RNF216: variants seen among roughly 807,000 people sequenced by gnomAD.
RNF216 encodes E3 ubiquitin-protein ligase RNF216.
Under a neutral mutation model 110.8 loss-of-function variants are expected in RNF216, and 72 were observed. The ratio of observed to expected loss-of-function variants is 0.65; its 90% CI spans 0.54 to 0.79. RNF216 has a LOEUF of 0.79. Among genes scored for constraint, RNF216 ranks in the 30% least tolerant of loss-of-function variants. The pLI is 0.00. For synonymous variants in RNF216, 495 were observed against 407.5 expected (o/e 1.21, Z -2.59); for missense variants, 1,342 against 1,141.2 (o/e 1.18, Z -2.54).
At chr7:5,672,399 T>G (rs1217159547) in intron 13 of RNF216, among the ~76,000 whole-genome samples, 1 of 152,170 alleles carries the variant, frequency 6.6e-6, no homozygotes, top group Non-Finnish European at 1.5e-5. Context: ...GTTGGAGAGT[T>G]ATGTTTGTTA....
intron 13 of RNF216, among the ~76,000 whole-genome samples, chr7:5,692,966 G>A (rs533961659): frequency 2.9e-4 from 44 of 152,296 alleles, no homozygotes; most frequent in African/African-American, 1.1e-3. Flanking sequence ...GTGTCAGCAA[G>A]CATCTCTTCC....
At chr7:5,641,048 T>C (rs1787702374) in intron 15 of RNF216, 106 bp downstream of exon 15, 3 of 899,614 alleles carry the variant, frequency 3.3e-6, no homozygotes, top group African/African-American at 3.4e-5. Flanking sequence ...ATTTCCTATA[T>C]TCTTCTCCTA....
At chr7:5,725,841 CAAA>C (rs756914396) in intron 7 of RNF216, among the ~76,000 whole-genome samples, 10 of 77,120 alleles carry the variant, frequency 1.3e-4, no homozygotes, top group Admixed American at 1.4e-4. Context: ...CCAGCCTGGG[CAAA>C]AAAAAAAAAA....
chr7:5,745,644 A>C (rs1252381243), intron 3 of RNF216, among the ~76,000 whole-genome samples: 1 of 152,060 alleles, frequency 6.6e-6, no homozygotes, highest in Non-Finnish European at 1.5e-5. Flanking sequence ...TCACGCCTGT[A>C]ATCTCAGCAC....
Position 5,777,109 on chromosome 7 carries a change from G to A in RNF216, c.-70+4432C>T, listed in dbSNP as rs191401110. On this transcript the variant is annotated intron_variant, in intron 1 of 16. Coordinates refer to ENST00000389902, the MANE Select transcript of RNF216 (RefSeq NM_207111.4). ...GAAAGACCTGACACTACACGTGGAG[G>A]GAAAGAGCCAGTGGAGCCCGGCCTT... 5.3e-5 allele frequency among the ~76,000 whole-genome samples: 8 copies of A among 152,160 alleles called. No homozygotes were observed. The East Asian group carries it at 1.5e-3, about 29-fold the overall frequency.
intron 12 of RNF216, 186 bp from the exon 13 acceptor site, chr7:5,712,025 A>C: frequency 1.7e-6 from 1 of 588,806 alleles, no homozygotes; most frequent in Non-Finnish European, 3.0e-6. Flanking sequence ...ATCAGGAAAC[A>C]TAAGCACCAC....
intron 5 of RNF216, among the ~76,000 whole-genome samples, chr7:5,735,627 C>T (rs888101895): frequency 3.3e-4 from 50 of 152,140 alleles, no homozygotes; most frequent in Admixed American, 2.7e-3. Context: ...CAGAACGCAT[C>T]TCAGAGACAA....
Position 5,693,343 on chromosome 7 carries a change from G to C in RNF216, c.2061+18418C>G, listed in dbSNP as rs566659230. Among the ~76,000 whole-genome samples the C allele has an allele frequency of 2.0e-5, 3 of 152,250 alleles. No homozygotes were observed. In the South Asian group the frequency reaches 6.2e-4, roughly 32 times the overall value. ...GAAAAAGTCTGCTGACCCCTGGTAT[G>C]GATGTTTACAGAAAAAGTCTGCTGA... is the stretch of plus-strand genomic sequence containing the variant. On this transcript the variant is annotated intron_variant, in intron 13 of 16. Coordinates refer to ENST00000389902, the MANE Select transcript of RNF216 (RefSeq NM_207111.4).
At position 5,741,941 on chromosome 7, in the gene RNF216, T is replaced by G. The variant is rs563498538; in HGVS notation, c.202-126A>C. On this transcript the variant is annotated intron_variant, in intron 3 of 16. Coordinates refer to ENST00000389902, the MANE Select transcript of RNF216 (RefSeq NM_207111.4). ...AAACACCATCTCCCTTAACAATACC[T>G]ATTCTTTACATTTATCTTAACACTG... 14 of 906,034 alleles carry G rather than the reference T, an allele frequency of 1.5e-5. No individual in the cohort carries two copies. The South Asian group carries it at 2.5e-4, about 16-fold the overall frequency. 56.1% of individuals were successfully genotyped at this position (906,034 alleles called of 1,614,324 possible). A position where few individuals can be genotyped will look rare whatever the true frequency, so the allele number is the denominator to read the frequency against.
At chr7:5,681,024 C>T (rs770798798) in intron 13 of RNF216, among the ~76,000 whole-genome samples, 2 of 152,144 alleles carry the variant, frequency 1.3e-5, no homozygotes, top group Non-Finnish European at 2.9e-5. Context: ...CTGCTGCCTC[C>T]AGCCATACCC....
At chr7:5,691,497 G>A (rs763554942) in intron 13 of RNF216, among the ~76,000 whole-genome samples, 1 of 152,170 alleles carries the variant, frequency 6.6e-6, no homozygotes, top group Non-Finnish European at 1.5e-5. Flanking sequence ...GGTGGGGGTG[G>A]GGAAGGCAGT....
chr7:5,656,081 C>T (rs891694916), intron 13 of RNF216, among the ~76,000 whole-genome samples: 1 of 152,150 alleles, frequency 6.6e-6, no homozygotes, highest in Admixed American at 6.6e-5. Flanking sequence ...CCAGCCTGGG[C>T]AACATGGTCA....
intron 2 of RNF216, among the ~76,000 whole-genome samples, chr7:5,758,085 G>C (rs573139163): frequency 6.6e-6 from 1 of 151,980 alleles, no homozygotes; most frequent in African/African-American, 2.4e-5. Context: ...ATACATACTC[G>C]TCTAACAAAA....
At chr7:5,773,709 C>CTT (rs1206742179) in intron 1 of RNF216, among the ~76,000 whole-genome samples, 100 of 152,068 alleles carry the variant, frequency 6.6e-4, no homozygotes, top group Non-Finnish European at 1.3e-3. Flanking sequence ...GCTGGGACGA[C>CTT]ACATGCGTGC....
In RNF216 at chr7:5,701,519, C is replaced by T. The variant is rs117660339; in HGVS notation, c.2061+10242G>A. Reference sequence around the variant, plus strand: ...GGCACTGCACTTGACACTTTACCCACGCTGTTTCCATTGGTTTTGCACAAA... The same window carrying T: ...GGCACTGCACTTGACACTTTACCCATGCTGTTTCCATTGGTTTTGCACAAA... On this transcript the variant is annotated intron_variant, in intron 13 of 16. Coordinates refer to ENST00000389902, the MANE Select transcript of RNF216 (RefSeq NM_207111.4). Among the ~76,000 whole-genome samples, 247 of 152,304 alleles carry T rather than the reference C, an allele frequency of 1.6e-3. 1 individual carries two copies. The highest frequency in any genetic ancestry group is 3.9e-3 in the South Asian group (19 of 4,824).
Position 5,741,367 on chromosome 7 carries a change from G to T in RNF216, c.650C>A (p.Ala217Asp), listed in dbSNP as rs1323025979. 6.2e-7 allele frequency: 1 copy of T among 1,614,058 alleles called. No homozygotes were observed. The highest frequency in any genetic ancestry group is 8.5e-7 in the Non-Finnish European group (1 of 1,180,030). Residue 217 changes from alanine (A) to aspartate (D), a missense_variant, in exon 4 of 17, where the codon GCT becomes GAT. Transcript: ENST00000389902. ...TTCGATGGCCTGATCATCTGCTAGA[G>T]CAGCTGACTCTCCTAGATTTGATAA... Reference protein sequence around the residue: ...ELLSNLGESAALADDQAIEED... With the variant: ...ELLSNLGESADLADDQAIEED...
chr7:5,725,283 G>C, intron 8 of RNF216, 41 bp downstream of exon 8: 2 of 1,140,834 alleles, frequency 1.8e-6, no homozygotes, highest in Non-Finnish European at 2.7e-6. Flanking sequence ...AAAAGGTACA[G>C]TGTTGCAGCT....
intron 10 of RNF216, among the ~76,000 whole-genome samples, chr7:5,715,411 G>GT (rs1226483028): frequency 2.8e-4 from 42 of 151,918 alleles, no homozygotes; most frequent in East Asian, 2.1e-3. Context: ...AGGTTTTCGT[G>GT]TTTTTTTTCT....
chr7:5,658,396 C>T (rs143250609), intron 13 of RNF216, among the ~76,000 whole-genome samples: 1 of 152,228 alleles, frequency 6.6e-6, no homozygotes, highest in East Asian at 1.9e-4. Flanking sequence ...GTGGCTCATG[C>T]CTGTAGTCTC....
Sources: gnomAD v4.1 joint callset for allele counts (sites outside exome capture counted in the v4.1 genomes callset) on GRCh38, gnomAD v4.1.1 for gene constraint, MANE v1.5 for transcripts, NCBI Gene and HGNC (gene_info 2026-07-23, HGNC 2026-07-21) for gene names.